The following NREP variants were observed in gnomAD, a reference collection of about 807,000 sequenced individuals.
The protein encoded by NREP is neuronal regeneration-related protein.
NREP carries 5 observed loss-of-function variants against 8.6 expected under a neutral mutation model. That is an observed-to-expected ratio of 0.58 (90% CI 0.30 to 1.22). The LOEUF (loss-of-function observed/expected upper bound fraction) is 1.22. Among genes scored for constraint, NREP ranks in the 50% most tolerant of loss-of-function variants. The probability of loss-of-function intolerance (pLI) is 0.07; values close to 1 mark genes in which losing one functional copy is unlikely to be tolerated. For synonymous variants in NREP, 27 were observed against 28.0 expected (o/e 0.96, Z 0.11); for missense variants, 86 against 82.5 (o/e 1.04, Z -0.17).
intron 2 of NREP, among the ~76,000 whole-genome samples, chr5:111,869,126 T>A (rs1411269948): frequency 5.3e-5 from 8 of 152,206 alleles, no homozygotes; most frequent in Non-Finnish European, 7.3e-5. Context: ...TATTTGTCTG[T>A]ATGCAACTAT....
intron 2 of NREP, among the ~76,000 whole-genome samples, chr5:111,907,386 T>C (rs1754804533): frequency 6.6e-6 from 1 of 152,110 alleles, no homozygotes; most frequent in Admixed American, 6.6e-5. Flanking sequence ...ATGTCTAGAT[T>C]TATACCTATG....
intron 2 of NREP, among the ~76,000 whole-genome samples, chr5:111,845,890 A>T (rs1753150287): frequency 6.6e-6 from 1 of 151,788 alleles, no homozygotes; most frequent in African/African-American, 2.4e-5. Context: ...GAAACCTCAT[A>T]GGAATAGAAG....
At chr5:111,784,433 AAGCAATATTTATTAGG>A (rs913387791) in intron 2 of NREP, among the ~76,000 whole-genome samples, 92 of 152,276 alleles carry the variant, frequency 6.0e-4, no homozygotes, top group African/African-American at 2.1e-3. Flanking sequence ...GGGGAAAAAG[AAGCAATATTTATTAGG>A]AACTCATTTA....
rs574544941 is a variant in NREP, at chr5:111,868,934, T to C, written c.135+106340A>G. Among the ~76,000 whole-genome samples, 19 of 152,330 alleles carry C rather than the reference T, an allele frequency of 1.2e-4. No individual in the cohort carries two copies. In the South Asian group the frequency reaches 3.7e-3, roughly 30 times the overall value. On this transcript the variant is annotated intron_variant, in intron 2 of 3. Transcript: ENST00000395634. ...CAACATGAATTGCAAGTATAGGTTTTTGAGTAGTGGTCCAATGACAACACC... is the reference window on the plus strand; with the variant it reads ...CAACATGAATTGCAAGTATAGGTTTCTGAGTAGTGGTCCAATGACAACACC...
intron 2 of NREP, among the ~76,000 whole-genome samples, chr5:111,787,046 C>G (rs930862535): frequency 3.9e-5 from 6 of 152,094 alleles, no homozygotes; most frequent in Admixed American, 3.9e-4. Flanking sequence ...TTGGCATGAC[C>G]AAATAAATTG....
At chr5:111,777,304 T>C (rs149640257) in intron 2 of NREP, among the ~76,000 whole-genome samples, 1 of 152,158 alleles carries the variant, frequency 6.6e-6, no homozygotes, top group Non-Finnish European at 1.5e-5. Flanking sequence ...CAAGGAACTC[T>C]CACTGAGAAT....
intron 2 of NREP, among the ~76,000 whole-genome samples, chr5:111,908,371 T>C (rs1291555909): frequency 6.6e-6 from 1 of 151,998 alleles, no homozygotes; most frequent in Non-Finnish European, 1.5e-5. Flanking sequence ...GTATGATTGA[T>C]CCCATCACGC....
intron 2 of NREP, among the ~76,000 whole-genome samples, chr5:111,862,764 C>A (rs971532799): frequency 1.3e-5 from 2 of 151,508 alleles, no homozygotes; most frequent in African/African-American, 4.9e-5. Context: ...AGACGACAGA[C>A]AAAACTACCC....
At position 111,888,717 on chromosome 5, in the gene NREP, C is replaced by T. The variant is rs77476732; in HGVS notation, c.135+86557G>A. On this transcript the variant is annotated intron_variant, in intron 2 of 3. Transcript: ENST00000395634. ...CATTGCTAGAAAAGTCTTTTCCATG[C>T]TGTCTTTCTCTCCTACTTCTCCTTC... Among the ~76,000 whole-genome samples the T allele has an allele frequency of 4.0e-3, 603 of 152,274 alleles. 2 individuals are homozygous for T. The highest frequency in any genetic ancestry group is 0.014 in the African/African-American group (567 of 41,562).
At chr5:111,757,839 C>T (rs913471459), upstream of NREP, 26 of 966,332 alleles carry the variant, frequency 2.7e-5, no homozygotes, top group Middle Eastern at 5.2e-4. Context: ...GTGGAGGAGG[C>T]GGTTTGGGGG....
At chr5:111,886,252 C>G (rs1235053647) in intron 2 of NREP, among the ~76,000 whole-genome samples, 1 of 152,200 alleles carries the variant, frequency 6.6e-6, no homozygotes, top group Non-Finnish European at 1.5e-5. Flanking sequence ...CAAAGAAGTG[C>G]AAATCAAAAC....
At chr5:111,937,689 C>A (rs1387390837) in intron 2 of NREP, among the ~76,000 whole-genome samples, 1 of 152,052 alleles carries the variant, frequency 6.6e-6, no homozygotes, top group African/African-American at 2.4e-5. Flanking sequence ...TGCCCCAAGT[C>A]CCCAACTCCT....
intron 2 of NREP, among the ~76,000 whole-genome samples, chr5:111,941,923 C>A (rs1755839804): frequency 6.6e-6 from 1 of 152,068 alleles, no homozygotes; most frequent in African/African-American, 2.4e-5. Flanking sequence ...CAATAATATA[C>A]TCACTACTTC....
At chr5:111,970,417 A>T (rs1043001059) in intron 2 of NREP, among the ~76,000 whole-genome samples, 17 of 152,152 alleles carry the variant, frequency 1.1e-4, no homozygotes, top group African/African-American at 3.9e-4. Context: ...TGTATCGGTG[A>T]TTCACGGACA....
chr5:111,955,536 G>A (rs755335560), intron 2 of NREP, among the ~76,000 whole-genome samples: 6 of 149,072 alleles, frequency 4.0e-5, no homozygotes, highest in Non-Finnish European at 8.9e-5. Context: ...CTTGTGATAA[G>A]AAAAACAACT....
intron 2 of NREP, among the ~76,000 whole-genome samples, chr5:111,815,999 G>C (rs564231430): frequency 7.9e-5 from 12 of 152,244 alleles, no homozygotes; most frequent in Non-Finnish European, 1.5e-5. Context: ...TTCAAAGGGA[G>C]CAAAGGTAAT....
At chr5:111,833,319 C>T (rs988656006) in intron 2 of NREP, among the ~76,000 whole-genome samples, 1 of 152,156 alleles carries the variant, frequency 6.6e-6, no homozygotes, top group Non-Finnish European at 1.5e-5. Context: ...AAAGCCAATA[C>T]AAAATGTTTT....
intron 2 of NREP, among the ~76,000 whole-genome samples, chr5:111,958,169 G>C (rs1756377201): frequency 6.6e-6 from 1 of 151,534 alleles, no homozygotes. Flanking sequence ...ACTCAAAAAA[G>C]AGTAATGTGA....
At chr5:111,885,901 C>T (rs1296581074) in intron 2 of NREP, among the ~76,000 whole-genome samples, 8 of 152,184 alleles carry the variant, frequency 5.3e-5, no homozygotes, top group Non-Finnish European at 1.2e-4. Flanking sequence ...CCATTCAGGA[C>T]ATAGGCATGG....
Sources: gnomAD v4.1 joint callset for allele counts (sites outside exome capture counted in the v4.1 genomes callset) on GRCh38, gnomAD v4.1.1 for gene constraint, MANE v1.5 for transcripts, NCBI Gene and HGNC (gene_info 2026-07-23, HGNC 2026-07-21) for gene names.